PWWP3B: variants seen among roughly 807,000 people sequenced by gnomAD.
PWWP3B encodes PWWP domain-containing DNA repair factor 3B.
In PWWP3B, 5 loss-of-function variants were observed where a neutral mutation model predicts 15.7. The ratio of observed to expected loss-of-function variants is 0.32; its 90% CI spans 0.17 to 0.67. PWWP3B has a LOEUF of 0.67. Ranked by LOEUF, PWWP3B falls within the 30% of genes least tolerant of loss-of-function variation. PWWP3B has a pLI of 0.74. For synonymous variants in PWWP3B, 203 were observed against 179.8 expected (o/e 1.13, Z -1.03); for missense variants, 519 against 493.1 (o/e 1.05, Z -0.50).
intron 2 of PWWP3B, among the ~76,000 whole-genome samples, chrX:106,195,316 C>T (rs375435732): frequency 9.0e-6 from 1 of 111,677 alleles, no homozygotes; most frequent in East Asian, 2.8e-4. Context: ...TCTGGGTTTT[C>T]TTTTCATGTT....
At chrX:106,193,515 A>G (rs1923147853) in intron 2 of PWWP3B, among the ~76,000 whole-genome samples, 1 of 111,750 alleles carries the variant, frequency 8.9e-6, no homozygotes, top group Non-Finnish European at 1.9e-5. Context: ...TGTGTCTTTT[A>G]ATTGGAGCAT....
intron 2 of PWWP3B, among the ~76,000 whole-genome samples, chrX:106,180,302 C>A: frequency 9.0e-6 from 1 of 111,622 alleles, no homozygotes. Context: ...GATGTAATAA[C>A]TATAATAAGG....
At chrX:106,199,959 CAG>C (rs1923601861) in intron 2 of PWWP3B, among the ~76,000 whole-genome samples, 1 of 111,691 alleles carries the variant, frequency 9.0e-6, no homozygotes, top group African/African-American at 3.3e-5. Context: ...TTTCCTGTGA[CAG>C]AGAGAACGCT....
At chrX:106,181,273 C>A (rs752047302) in intron 2 of PWWP3B, among the ~76,000 whole-genome samples, 1 of 111,521 alleles carries the variant, frequency 9.0e-6, no homozygotes, top group Admixed American at 9.5e-5. Flanking sequence ...GAAGGGGACC[C>A]GAGTGGGTTG....
chrX:106,202,885 T>C (rs763133354), intron 2 of PWWP3B, among the ~76,000 whole-genome samples: 2 of 111,993 alleles, frequency 1.8e-5, no homozygotes, highest in Non-Finnish European at 3.8e-5. Context: ...GAAAAACATA[T>C]CTATGAAAGT....
rs898423399 is a variant in PWWP3B at position 106,196,914 on chromosome X, C to T, written c.-400-7071C>T. On this transcript the variant is annotated intron_variant, in intron 2 of 3. Coordinates refer to ENST00000357175, the MANE Select transcript of PWWP3B (RefSeq NM_001171020.2). ...TGGAGTGCTACAAGATTTTTTTCAA[C>T]GATTTTCCACTCTAAATTTTCAGTA... Among the ~76,000 whole-genome samples, 5 of 111,161 alleles carry T rather than the reference C, an allele frequency of 4.5e-5. No individual in the cohort carries two copies. In the East Asian group the frequency reaches 1.1e-3, roughly 25 times the overall value.
intron 2 of PWWP3B, among the ~76,000 whole-genome samples, chrX:106,190,917 T>C (rs1287996187): frequency 1.8e-5 from 2 of 111,571 alleles, no homozygotes; most frequent in Non-Finnish European, 3.8e-5. Flanking sequence ...TCTGTTTTGG[T>C]ACCAGTACCA....
In PWWP3B at chrX:106,205,661, A is replaced by G. The variant is rs1405646466; in HGVS notation, c.229A>G (p.Ser77Gly). The stretch of plus-strand genomic sequence containing the variant: ...CTCATTAGGACTACAGTCAGAGGAC[A>G]GTGCTCCACCTACAGAGGAAACTGC... The part of the protein sequence containing the change: ...AASLGLQSED[S>G]APPTEETAYG... The change falls in exon 4 of 4, where the codon AGT (serine) becomes GGT (glycine). Residue 77 changes from serine to glycine, a missense_variant. Coordinates refer to ENST00000357175, the MANE Select transcript of PWWP3B (RefSeq NM_001171020.2). 2 of 1,209,764 alleles carry G rather than the reference A, an allele frequency of 1.7e-6. No homozygotes were observed. Among genetic ancestry groups the G allele is most frequent in the African/African-American group, 3.5e-5 (2 of 57,378 alleles).
In PWWP3B at chrX:106,205,647, T is replaced by C; in HGVS notation, c.215T>C (p.Leu72Pro). 8.3e-7 allele frequency: 1 copy of C among 1,210,774 alleles called. No individual in the cohort carries two copies. Among genetic ancestry groups the C allele is most frequent in the Non-Finnish European group, 1.1e-6 (1 of 894,870 alleles). Residue 72 changes from leucine to proline, a missense_variant, in exon 4 of 4, where the codon CTA becomes CCA. Transcript: ENST00000357175. ...QIEAIAASLG[L>P]QSEDSAPPTE... ...GAAGCCATTGCTGCCTCATTAGGAC[T>C]ACAGTCAGAGGACAGTGCTCCACCT...
chrX:106,205,825 T>C lies in PWWP3B; in HGVS notation c.393T>C (p.His131=), dbSNP rs1302608097. 6 of 1,210,966 alleles carry C rather than the reference T, an allele frequency of 5.0e-6. No individual in the cohort carries two copies. Among genetic ancestry groups the C allele is most frequent in the Non-Finnish European group, 6.7e-6 (6 of 895,206 alleles). ...AAAAACAGTCCGATTCACCCCCTCATAAAAAATACCGGAAGGATGAAGGTG... is the reference window on the plus strand; with the variant it reads ...AAAAACAGTCCGATTCACCCCCTCACAAAAAATACCGGAAGGATGAAGGTG... ...VPQKQSDSPP[H]KKYRKDEGDL... Residue 131 remains histidine (H), a synonymous_variant, in exon 4 of 4, where the codon CAT becomes CAC. Transcript: ENST00000357175.
At chrX:106,201,684 C>G (rs1289397956) in intron 2 of PWWP3B, 1 of 111,865 alleles carries the variant, frequency 8.9e-6, no homozygotes, top group Admixed American at 9.5e-5. Flanking sequence ...GGACCCTCCT[C>G]TGAGCCTCTA....
intron 2 of PWWP3B, among the ~76,000 whole-genome samples, chrX:106,194,684 G>C (rs1037654397): frequency 5.4e-5 from 6 of 111,044 alleles, no homozygotes; most frequent in African/African-American, 9.8e-5. Flanking sequence ...ATCTACCTTT[G>C]GTCTTTGATG....
At chrX:106,200,121 C>A (rs1018112141) in intron 2 of PWWP3B, among the ~76,000 whole-genome samples, 1 of 111,321 alleles carries the variant, frequency 9.0e-6, no homozygotes, top group African/African-American at 3.3e-5. Context: ...ACCACTAAAA[C>A]CTTCCATATG....
At position 106,207,120 on chromosome X, in the gene PWWP3B, C is replaced by G. The variant is rs1282669210; in HGVS notation, c.1688C>G (p.Ala563Gly). 1 of 1,206,088 alleles carries G rather than the reference C, an allele frequency of 8.3e-7. No individual in the cohort carries two copies. Among genetic ancestry groups the G allele is most frequent in the Non-Finnish European group, 1.1e-6 (1 of 892,416 alleles). The change falls in exon 4 of 4, where the codon GCA (alanine) becomes GGA (glycine). Residue 563 changes from alanine (A) to glycine (G), a missense_variant. Coordinates refer to ENST00000357175, the MANE Select transcript of PWWP3B (RefSeq NM_001171020.2). ...AACCTGGTGGACTTCATTGTGAATGCAAAGGGAACAGAGAACCATCTTCTG... is the reference window on the plus strand; with the variant it reads ...AACCTGGTGGACTTCATTGTGAATGGAAAGGGAACAGAGAACCATCTTCTG... ...NKNLVDFIVN[A>G]KGTENHLLAI...
chrX:106,169,273 G>C (rs1168640023), intron 1 of PWWP3B, among the ~76,000 whole-genome samples: 1 of 111,455 alleles, frequency 9.0e-6, no homozygotes, highest in Non-Finnish European at 1.9e-5. Context: ...AGGGAAAGGT[G>C]TTCAAATATG....
intron 2 of PWWP3B, among the ~76,000 whole-genome samples, chrX:106,192,630 T>A (rs750559347): frequency 2.7e-5 from 3 of 110,975 alleles, no homozygotes; most frequent in Non-Finnish European, 5.6e-5. Context: ...TTAATTGTGA[T>A]GTTAGGTTGT....
intron 2 of PWWP3B, among the ~76,000 whole-genome samples, chrX:106,171,469 G>A (rs902700101): frequency 9.0e-6 from 1 of 111,458 alleles, no homozygotes; most frequent in African/African-American, 3.3e-5. Flanking sequence ...ACTATACTAG[G>A]TTGTCATACC....
chrX:106,205,783 G>T lies in PWWP3B; in HGVS notation c.351G>T (p.Leu117=). The change falls in exon 4 of 4, where the codon CTG becomes CTT. Residue 117 remains leucine, a synonymous_variant. Transcript: ENST00000357175. ...STSDEEEITM[L]SQNVPQKQSD... is the part of the protein sequence containing the mutation. ...CAGATGAAGAGGAGATCACTATGCT[G>T]TCTCAAAATGTACCACAAAAACAGT... 1 of 1,211,096 alleles carries T rather than the reference G, an allele frequency of 8.3e-7. No homozygotes were observed. The highest frequency in any genetic ancestry group is 1.1e-6 in the Non-Finnish European group (1 of 895,296).
chrX:106,176,601 T>A (rs1420851999), intron 2 of PWWP3B, among the ~76,000 whole-genome samples: 1 of 112,572 alleles, frequency 8.9e-6, no homozygotes, highest in African/African-American at 3.2e-5. Context: ...ATGTAAGAAC[T>A]ACTTTAGTGA....
Sources: allele counts gnomAD v4.1 joint callset (sites outside exome capture counted in the v4.1 genomes callset), GRCh38; gene constraint gnomAD v4.1.1; transcripts MANE v1.5; gene names NCBI Gene and HGNC (gene_info 2026-07-23, HGNC 2026-07-21).